Variants in KCNN2 observed in about 807,000 individuals in gnomAD.
KCNN2 encodes small conductance calcium-activated potassium channel protein 2.
Under a neutral mutation model 55.5 loss-of-function variants are expected in KCNN2, and 24 were observed. That is an observed-to-expected ratio of 0.43 (90% CI 0.31 to 0.61). The LOEUF is 0.61. Ranked by LOEUF, KCNN2 falls within the 20% of genes least tolerant of loss-of-function variation. The pLI is 0.08. For missense variants in KCNN2, 754 were observed against 853.6 expected, an observed-to-expected ratio of 0.88 and a Z score of 1.45; for synonymous variants, 431 against 336.1, an observed-to-expected ratio of 1.28 and a Z score of -3.09.
At chr5:114,178,810 G>A (rs972346421) in intron 1 of KCNN2, among the ~76,000 whole-genome samples, 2 of 152,180 alleles carry the variant, frequency 1.3e-5, no homozygotes, top group African/African-American at 4.8e-5. Flanking sequence ...TCATGTGAAT[G>A]TATTCAGTTT....
At chr5:114,311,687 C>T (rs1173047394) in intron 2 of KCNN2, among the ~76,000 whole-genome samples, 1 of 152,076 alleles carries the variant, frequency 6.6e-6, no homozygotes, top group South Asian at 2.1e-4. Flanking sequence ...TAGCCATTTA[C>T]TAGATGCTCA....
chr5:114,268,880 C>G (rs1755260909), intron 2 of KCNN2, among the ~76,000 whole-genome samples: 1 of 151,594 alleles, frequency 6.6e-6, no homozygotes, highest in South Asian at 2.1e-4. Flanking sequence ...TGTCAGGCAG[C>G]AGGAACAAAA....
intron 3 of KCNN2, among the ~76,000 whole-genome samples, chr5:114,442,690 A>G (rs903817970): frequency 2.6e-5 from 4 of 152,208 alleles, no homozygotes; most frequent in Admixed American, 6.5e-5. Flanking sequence ...CCTCGGGTTT[A>G]CAGTCTAGGA....
At chr5:114,150,961 C>T (rs563323421) in intron 1 of KCNN2, among the ~76,000 whole-genome samples, 38 of 152,164 alleles carry the variant, frequency 2.5e-4, no homozygotes, top group African/African-American at 8.4e-4. Context: ...GCAGAGGTTG[C>T]GGTGAGCTGA....
chr5:114,292,334 G>A (rs1330201839), intron 2 of KCNN2, among the ~76,000 whole-genome samples: 2 of 152,226 alleles, frequency 1.3e-5, no homozygotes, highest in Admixed American at 1.3e-4. Flanking sequence ...GGTCTAGCAT[G>A]TAAGTCTTTA....
intron 1 of KCNN2, among the ~76,000 whole-genome samples, chr5:114,201,622 T>C (rs1482382936): frequency 2.6e-5 from 4 of 152,118 alleles, no homozygotes; most frequent in Non-Finnish European, 5.9e-5. Context: ...CCATGTCAAG[T>C]TGAATTCATC....
rs1561499183 is a variant in KCNN2, at chr5:114,155,295, G to A, written c.-270-66185G>A. On this transcript the variant is annotated intron_variant, in intron 1 of 10. Transcript: ENST00000512097. ...TCTTTATCCAGTCTGTGATTGATGGGCATTTAGGTTGATTCTGTGTCATTG... is the reference window on the plus strand; with the variant it reads ...TCTTTATCCAGTCTGTGATTGATGGACATTTAGGTTGATTCTGTGTCATTG... Among the ~76,000 whole-genome samples, 3 of 152,152 alleles carry A rather than the reference G, an allele frequency of 2.0e-5. No individual in the cohort carries two copies. In the South Asian group the frequency reaches 6.2e-4, roughly 32 times the overall value.
chr5:114,102,641 A>G (rs1189377885), intron 1 of KCNN2, among the ~76,000 whole-genome samples: 1 of 152,270 alleles, frequency 6.6e-6, no homozygotes, highest in Admixed American at 6.5e-5. Flanking sequence ...GTCCAGTTTC[A>G]GTTTTCTGCA....
rs868834618 is a variant in KCNN2 at position 114,282,645 on chromosome 5, T to A, written c.-185+61080T>A. Among the ~76,000 whole-genome samples, 4 of 152,274 alleles carry A rather than the reference T, an allele frequency of 2.6e-5. 1 individual carries two copies. The highest frequency in any genetic ancestry group is 6.8e-3 in the Middle Eastern group (2 of 294). ...GCCTACATTTGTGTCCTTTTTATAC[T>A]GCTTTTGTTGGTTTTTGGTAACAAG... On this transcript the variant is annotated intron_variant, in intron 2 of 10. Coordinates refer to the KCNN2 transcript ENST00000512097.
At chr5:114,296,504 A>C (rs938775515) in intron 2 of KCNN2, among the ~76,000 whole-genome samples, 1 of 152,242 alleles carries the variant, frequency 6.6e-6, no homozygotes, top group Non-Finnish European at 1.5e-5. Context: ...AAACACCAAG[A>C]GGTCTCTGTA....
rs562987995 is a variant in KCNN2 at position 114,430,423 on chromosome 5, T to TA, written c.1637+25568dup. Among the ~76,000 whole-genome samples the TA allele has an allele frequency of 4.3e-4, 65 of 152,232 alleles. No individual in the cohort carries two copies. The South Asian group carries it at 0.012, about 28-fold the overall frequency. On this transcript the variant is annotated intron_variant, in intron 3 of 7. Transcript: ENST00000673685. ...ATTTTAAATTCTATTTCATTGCTGA[T>TA]ACATAGAAAAGTAATAGACTTGGAT...
intron 3 of KCNN2, among the ~76,000 whole-genome samples, chr5:114,449,879 T>TACACACACACACACACAC (rs745574908): frequency 1.9e-4 from 18 of 93,448 alleles, no homozygotes; most frequent in East Asian, 1.2e-3. Context: ...CATCCAAACA[T>TACACACACACACACACAC]ACACACACAC....
intron 2 of KCNN2, among the ~76,000 whole-genome samples, chr5:114,265,963 A>G (rs2150006125): frequency 6.6e-6 from 1 of 152,294 alleles, no homozygotes; most frequent in East Asian, 1.9e-4. Context: ...CTAGAGTATC[A>G]CTGTCCATTA....
intron 2 of KCNN2, among the ~76,000 whole-genome samples, chr5:114,401,436 C>G (rs967745066): frequency 6.6e-6 from 1 of 152,130 alleles, no homozygotes; most frequent in African/African-American, 2.4e-5. Flanking sequence ...TAGGACCTAT[C>G]CAGTGATTAG....
At position 114,473,034 on chromosome 5, in the gene KCNN2, T is replaced by C. The variant is rs754268943; in HGVS notation, c.1780-20T>C. ...AGTAGTTAGTAATGCTTTGGGTTTC[T>C]CTTCTCTCCTTGTTTTCAGGGTGCT... On this transcript the variant is annotated intron_variant, in intron 4 of 7. Coordinates refer to ENST00000673685, the MANE Select transcript of KCNN2 (RefSeq NM_021614.4). 5 of 1,516,324 alleles carry C rather than the reference T, an allele frequency of 3.3e-6. No homozygotes were observed. In the South Asian group the frequency reaches 5.9e-5, roughly 18 times the overall value. 93.9% of individuals were successfully genotyped at this position (1,516,324 alleles called of 1,614,324 possible). A position where few individuals can be genotyped will look rare whatever the true frequency, so the allele number is the denominator to read the frequency against.
chr5:114,271,614 C>T (rs553970136), intron 2 of KCNN2, among the ~76,000 whole-genome samples: 3 of 152,188 alleles, frequency 2.0e-5, no homozygotes, highest in Non-Finnish European at 4.4e-5. Context: ...AGTTTTCAGT[C>T]ATCTGTCATG....
intron 1 of KCNN2, among the ~76,000 whole-genome samples, chr5:114,196,499 G>T (rs186347998): frequency 3.4e-4 from 51 of 152,064 alleles, no homozygotes; most frequent in Admixed American, 1.0e-3. Context: ...ACTTTTCTTT[G>T]TGGGAAGTTT....
chr5:114,194,648 T>C (rs1753515427), intron 1 of KCNN2, among the ~76,000 whole-genome samples: 1 of 152,102 alleles, frequency 6.6e-6, no homozygotes, highest in African/African-American at 2.4e-5. Context: ...ATTCAGTAGA[T>C]TGTCTTTTCA....
intron 3 of KCNN2, among the ~76,000 whole-genome samples, chr5:114,458,956 C>T (rs539584426): frequency 2.2e-4 from 34 of 152,218 alleles, no homozygotes; most frequent in Non-Finnish European, 4.3e-4. Context: ...CTGAGGGAGG[C>T]AGGAGCGCAG....
Sources: allele counts gnomAD v4.1 joint callset (sites outside exome capture counted in the v4.1 genomes callset), GRCh38; gene constraint gnomAD v4.1.1; transcripts MANE v1.5; gene names NCBI Gene and HGNC (gene_info 2026-07-23, HGNC 2026-07-21).